The following EHD3 variants were observed in gnomAD, a reference collection of about 807,000 sequenced individuals.
EHD3 encodes the protein EH domain containing 3.
In EHD3, 17 loss-of-function variants were observed where a neutral mutation model predicts 43.0. The ratio of observed to expected loss-of-function variants is 0.40; its 90% CI spans 0.27 to 0.59. The LOEUF is 0.59. EHD3 is among the 20% of genes least tolerant of loss of function. The pLI, the probability that EHD3 is intolerant of heterozygous loss-of-function variation, is 0.49. For synonymous variants in EHD3, 313 were observed against 289.5 expected, an observed-to-expected ratio of 1.08 and a Z score of -0.82; for missense variants, 594 against 705.6, an observed-to-expected ratio of 0.84 and a Z score of 1.79.
intron 1 of EHD3, among the ~76,000 whole-genome samples, chr2:31,238,873 T>C (rs938665528): frequency 6.6e-6 from 1 of 152,120 alleles, no homozygotes; most frequent in Admixed American, 6.5e-5. Context: ...CTCTAGTGGA[T>C]TGGCTGTGGG....
At chr2:31,240,642 G>A (rs1461084453) in intron 1 of EHD3, among the ~76,000 whole-genome samples, 4 of 152,156 alleles carry the variant, frequency 2.6e-5, no homozygotes, top group Admixed American at 2.0e-4. Context: ...TAACTTCCCC[G>A]GAAGCCACCC....
At chr2:31,258,323 TC>T (rs1558651375) in intron 3 of EHD3, among the ~76,000 whole-genome samples, 2 of 151,934 alleles carry the variant, frequency 1.3e-5, no homozygotes, top group African/African-American at 4.8e-5. Flanking sequence ...TCTGATCCCA[TC>T]CCCCTACCCC....
Position 31,260,707 on chromosome 2 carries a change from G to A in EHD3, c.700G>A (p.Gly234Arg). 6 of 1,614,184 alleles carry A rather than the reference G, an allele frequency of 3.7e-6. No homozygotes were observed. The highest frequency in any genetic ancestry group is 1.3e-5 in the African/African-American group (1 of 75,046). The change falls in exon 4 of 6, where the codon GGG (glycine) becomes AGG (arginine). Residue 234 changes from glycine to arginine, a missense_variant. This residue lies in a region of EHD3 where 29 missense variants were observed against 60.9 expected (regional missense o/e 0.48). Transcript: ENST00000322054. The surrounding 1 kb of genome is among the most constrained non-coding windows in gnomAD (Gnocchi z 4.6). ...IETQQLMRVY[G>R]ALMWSLGKIV... ...GACGCAGCAGCTGATGCGGGTGTAC[G>A]GGGCCCTCATGTGGTCCTTGGGGAA...
At position 31,266,073 on chromosome 2, in the gene EHD3, A is replaced by T; in HGVS notation, c.1081-104A>T. The T allele has an allele frequency of 7.2e-7, 1 of 1,392,612 alleles. No homozygotes were observed. Among genetic ancestry groups the T allele is most frequent in the Non-Finnish European group, 9.7e-7 (1 of 1,035,074 alleles). The allele number at this position is 1,392,612 out of a possible 1,614,324, so 86.3% of individuals were successfully genotyped here. ...AGGTCACAGGTCTTTCATTGTAGAAAGGGATCAGCTGTGAACATTCTGGTG... is the reference window on the plus strand; with the variant it reads ...AGGTCACAGGTCTTTCATTGTAGAATGGGATCAGCTGTGAACATTCTGGTG... On this transcript the variant is annotated intron_variant, in intron 5 of 5. Transcript: ENST00000322054. The surrounding 1 kb of genome is among the most constrained non-coding windows in gnomAD (Gnocchi z 5.1).
In EHD3 at chr2:31,268,069, CTAT is replaced by C. The variant is rs1196389575; in HGVS notation, c.*1367_*1369del. 1.3e-5 allele frequency: 2 copies of C among 152,760 alleles called. No homozygotes were observed. The highest frequency in any genetic ancestry group is 3.9e-4 in the East Asian group (2 of 5,176). 9.5% of individuals were successfully genotyped at this position (152,760 alleles called of 1,614,324 possible). A position where few individuals can be genotyped will look rare whatever the true frequency, so the allele number is the denominator to read the frequency against. ...GTCTCTTGTCAAGTGGGACCTCATA[CTAT>C]TCTCAGAAGGCTAACTTGAGAGGTT... On this transcript the variant is annotated 3_prime_UTR_variant, in exon 6 of 6. Transcript: ENST00000322054.
At chr2:31,259,099 G>C (rs1418310634) in intron 3 of EHD3, among the ~76,000 whole-genome samples, 1 of 152,176 alleles carries the variant, frequency 6.6e-6, no homozygotes, top group Non-Finnish European at 1.5e-5. Flanking sequence ...TGGGTCCCCA[G>C]TGTGTGTCAC....
chr2:31,262,203 G>A (rs1170359144), intron 5 of EHD3, among the ~76,000 whole-genome samples: 10 of 152,242 alleles, frequency 6.6e-5, no homozygotes, highest in Admixed American at 6.5e-4. Context: ...TCTTGGGCCA[G>A]TGGCCATCAC....
chr2:31,263,752 G>A (rs1014303235), intron 5 of EHD3, among the ~76,000 whole-genome samples: 2 of 152,200 alleles, frequency 1.3e-5, no homozygotes, highest in African/African-American at 2.4e-5. Flanking sequence ...TTTTTCTGCA[G>A]CAGACTAGCT....
rs906907809 is a variant in EHD3 at position 31,269,172 on chromosome 2, A to G, written c.*2468A>G. The G allele has an allele frequency of 2.0e-5, 3 of 152,166 alleles. No homozygotes were observed. The highest frequency in any genetic ancestry group is 4.4e-5 in the Non-Finnish European group (3 of 68,036). 9.4% of individuals were successfully genotyped at this position (152,166 alleles called of 1,614,324 possible). ...GAAACATTTAATAGGGAAAGCAGAGACATGTCATGTCAGCCCCACAGACAA... is the reference window on the plus strand; with the variant it reads ...GAAACATTTAATAGGGAAAGCAGAGGCATGTCATGTCAGCCCCACAGACAA... On this transcript the variant is annotated 3_prime_UTR_variant, in exon 6 of 6. Transcript: ENST00000322054.
Position 31,261,660 on chromosome 2 carries a change from G to C in EHD3, c.1027G>C (p.Glu343Gln). 2 of 1,614,220 alleles carry C rather than the reference G, an allele frequency of 1.2e-6. No individual in the cohort carries two copies. Among genetic ancestry groups the C allele is most frequent in the Non-Finnish European group, 1.7e-6 (2 of 1,180,038 alleles). ...NNLAEIYGRI[E>Q]REHQISPGDF... Reference sequence around the variant, plus strand: ...CCTGGCCGAGATCTATGGCCGGATCGAGCGGGAGCACCAGATCTCACCTGG... The same window carrying C: ...CCTGGCCGAGATCTATGGCCGGATCCAGCGGGAGCACCAGATCTCACCTGG... The change falls in exon 5 of 6, where the codon GAG (glutamate) becomes CAG (glutamine). Residue 343 changes from glutamate to glutamine, a missense_variant. Transcript: ENST00000322054.
intron 4 of EHD3, 46 bp from the exon 5 acceptor site, chr2:31,261,503 G>A (rs778423783): frequency 4.4e-5 from 70 of 1,607,950 alleles, no homozygotes; most frequent in Non-Finnish European, 5.4e-5. Flanking sequence ...GGAAGGGACC[G>A]TCCAGGGTCT....
At chr2:31,265,669 T>G (rs1282383924) in intron 5 of EHD3, among the ~76,000 whole-genome samples, 1 of 152,144 alleles carries the variant, frequency 6.6e-6, no homozygotes, top group Non-Finnish European at 1.5e-5. Flanking sequence ...TAGAATGTGA[T>G]TTTCCTACCT....
intron 1 of EHD3, among the ~76,000 whole-genome samples, chr2:31,235,487 TTAA>T (rs768008378): frequency 6.6e-6 from 1 of 152,206 alleles, no homozygotes; most frequent in Non-Finnish European, 1.5e-5. Context: ...TCTTAATGGC[TTAA>T]TAATAATATT....
chr2:31,257,111 A>G (rs1332632133), intron 3 of EHD3, among the ~76,000 whole-genome samples: 1 of 152,226 alleles, frequency 6.6e-6, no homozygotes, highest in Non-Finnish European at 1.5e-5. Flanking sequence ...AATAAGGAGC[A>G]GCAGAAGGCC....
intron 3 of EHD3, among the ~76,000 whole-genome samples, chr2:31,251,407 A>C (rs1470571084): frequency 6.6e-6 from 1 of 152,184 alleles, no homozygotes; most frequent in Non-Finnish European, 1.5e-5. Flanking sequence ...CACAGCCTGG[A>C]GTCCTCATCC....
At chr2:31,250,756 T>C (rs1683620330) in intron 3 of EHD3, among the ~76,000 whole-genome samples, 1 of 152,078 alleles carries the variant, frequency 6.6e-6, no homozygotes, top group Non-Finnish European at 1.5e-5. Flanking sequence ...CACCCCAATA[T>C]TGGAGCTAGT....
Position 31,267,910 on chromosome 2 carries a change from C to T in EHD3, c.*1206C>T, listed in dbSNP as rs1030289848. 2.6e-5 allele frequency: 4 copies of T among 152,256 alleles called. No individual in the cohort carries two copies. Among genetic ancestry groups the T allele is most frequent in the Admixed American group, 1.3e-4 (2 of 15,288 alleles). 9.4% of individuals were successfully genotyped at this position (152,256 alleles called of 1,614,324 possible). A position where few individuals can be genotyped will look rare whatever the true frequency, so the allele number is the denominator to read the frequency against. On this transcript the variant is annotated 3_prime_UTR_variant, in exon 6 of 6. Transcript: ENST00000322054. ...AAACCGTGCCTTCTGGCTCTGCGCC[C>T]CATATTCCCAGCATCATAGACATCC...
Position 31,266,941 on chromosome 2 carries a change from C to CT in EHD3, c.*238dup, listed in dbSNP as rs1481364148. 19 of 548,702 alleles carry CT rather than the reference C, an allele frequency of 3.5e-5. No homozygotes were observed. Among genetic ancestry groups the CT allele is most frequent in the Admixed American group, 9.7e-5 (3 of 30,922 alleles). 34.0% of individuals were successfully genotyped at this position (548,702 alleles called of 1,614,324 possible). ...CAAGAGCACTCCCAGGCCCCAGAGT[C>CT]TAAGCCTAAGTCTCTATCGCTCTTC... On this transcript the variant is annotated 3_prime_UTR_variant, in exon 6 of 6. Transcript: ENST00000322054. This position sits in a 1 kb window ranked among gnomAD's most constrained non-coding sequence, Gnocchi z 5.1.
rs765230348 is a variant in EHD3, at chr2:31,244,437, G to A, written c.391G>A (p.Ala131Thr). Residue 131 changes from alanine (A) to threonine (T), a missense_variant, in exon 2 of 6, where the codon GCC becomes ACC. Around this residue, in one of 3 missense-constraint regions of EHD3, gnomAD observed 243 missense variants for 296.7 expected, o/e 0.82. Coordinates refer to ENST00000322054, the MANE Select transcript of EHD3 (RefSeq NM_014600.3). ...PFRKLNAFGN[A>T]FLNRFVCAQL... ...CAGGAAACTCAACGCCTTTGGCAAC[G>A]CCTTCTTGAACAGGTGAGTGTGGAG... is the stretch of plus-strand genomic sequence containing the variant. 9.9e-6 allele frequency: 16 copies of A among 1,613,818 alleles called. No individual in the cohort carries two copies. The highest frequency in any genetic ancestry group is 1.7e-5 in the Admixed American group (1 of 60,010).
Sources: allele counts gnomAD v4.1 joint callset (sites outside exome capture counted in the v4.1 genomes callset), GRCh38; gene constraint gnomAD v4.1.1; regional missense constraint gnomAD v4.1.1; non-coding constraint Gnocchi (gnomAD v3.1); transcripts MANE v1.5; gene names NCBI Gene and HGNC (gene_info 2026-07-23, HGNC 2026-07-21).